CCDC88C: variants seen among roughly 807,000 people sequenced by gnomAD.
CCDC88C encodes the protein protein Daple.
A neutral mutation model predicts 198.8 loss-of-function variants in CCDC88C; 131 were observed. That is an observed-to-expected ratio of 0.66 (90% CI 0.57 to 0.76). The LOEUF (loss-of-function observed/expected upper bound fraction) is 0.76. CCDC88C is among the 30% of genes least tolerant of loss of function. The pLI is 0.00. For missense variants in CCDC88C, 2,553 were observed against 2,631.6 expected (o/e 0.97, Z 0.65); for synonymous variants, 1,166 against 1,114.7 (o/e 1.05, Z -0.92).
chr14:91,372,466 G>A (rs986418194), intron 3 of CCDC88C, among the ~76,000 whole-genome samples: 3 of 144,268 alleles, frequency 2.1e-5, no homozygotes, highest in Admixed American at 7.1e-5. Context: ...AGAAGGAGGT[G>A]GCCGGAAGCT....
chr14:91,373,293 C>T (rs902411725), intron 3 of CCDC88C, among the ~76,000 whole-genome samples: 11 of 152,126 alleles, frequency 7.2e-5, no homozygotes, highest in South Asian at 2.1e-4. Context: ...CTGGCTTGGA[C>T]GCTATGCTGA....
intron 3 of CCDC88C, among the ~76,000 whole-genome samples, chr14:91,398,024 CT>C (rs1885954747): frequency 6.6e-6 from 1 of 152,194 alleles, no homozygotes; most frequent in East Asian, 1.9e-4. Context: ...ACAGTAATTT[CT>C]TCTTTATAAT....
intron 18 of CCDC88C, 48 bp from the exon 19 acceptor site, chr14:91,305,974 G>C (rs529816382): frequency 1.0e-5 from 16 of 1,586,156 alleles, no homozygotes; most frequent in Non-Finnish European, 1.4e-5. Context: ...CTGGGTAAAT[G>C]CTAACTGGCC....
chr14:91,336,715 A>G (rs918304626), intron 10 of CCDC88C, among the ~76,000 whole-genome samples: 22 of 152,314 alleles, frequency 1.4e-4, no homozygotes, highest in Admixed American at 1.2e-3. Context: ...AGCAGGAGGT[A>G]AGGAGCCTTA....
intron 2 of CCDC88C, among the ~76,000 whole-genome samples, chr14:91,411,375 T>A (rs565870626): frequency 1.3e-5 from 2 of 152,204 alleles, no homozygotes; most frequent in Non-Finnish European, 2.9e-5. Context: ...AAAGTCTATA[T>A]GGTTCCATGA....
Position 91,278,127 on chromosome 14 carries a change from C to G in CCDC88C, c.4853G>C (p.Arg1618Pro). The G allele has an allele frequency of 6.2e-7, 1 of 1,613,276 alleles. No individual in the cohort carries two copies. The change falls in exon 29 of 30, where the codon CGG becomes CCG. Residue 1618 changes from arginine to proline, a missense_variant. This residue lies in a region of CCDC88C where 1,293 missense variants were observed against 1,219.6 expected (regional missense o/e 1.06). Coordinates refer to ENST00000389857, the MANE Select transcript of CCDC88C (RefSeq NM_001080414.4). Reference sequence around the variant, plus strand: ...GTTGCGTCCCGGTGTGCTGGCTTCCCGGGGCAAAGTGGCCAGGTCCCTGCT... The same window carrying G: ...GTTGCGTCCCGGTGTGCTGGCTTCCGGGGGCAAAGTGGCCAGGTCCCTGCT... The part of the protein sequence containing the change: ...IPSRDLATLP[R>P]EASTPGRNAL...
chr14:91,286,227 A>G (rs888043339), intron 25 of CCDC88C, among the ~76,000 whole-genome samples: 1 of 152,158 alleles, frequency 6.6e-6, no homozygotes, highest in African/African-American at 2.4e-5. Flanking sequence ...GGGGTCCCTA[A>G]CAGCTCAGCT....
chr14:91,417,210 C>A lies in CCDC88C; in HGVS notation c.61-372G>T, dbSNP rs781272609. Reference sequence around the variant, plus strand: ...GGCGCCCCCCATTCCCCACCCGTCACCGCCATCCACCGGCTGGTCTCAGGG... The same window carrying A: ...GGCGCCCCCCATTCCCCACCCGTCAACGCCATCCACCGGCTGGTCTCAGGG... On this transcript the variant is annotated intron_variant, in intron 1 of 29. Transcript: ENST00000389857. 2.4e-5 allele frequency: 17 copies of A among 703,078 alleles called. 1 individual carries two copies. The South Asian group carries it at 2.5e-4, about 10-fold the overall frequency. 43.6% of individuals were successfully genotyped at this position (703,078 alleles called of 1,614,324 possible). A position where few individuals can be genotyped will look rare whatever the true frequency, so the allele number is the denominator to read the frequency against.
rs1355962010 is a variant in CCDC88C, at chr14:91,294,245, T to C, written c.4040A>G (p.Gln1347Arg). ...HLLSQIQLLS[Q>R]QNQMLLEQNM... ...CTGCTCCAGAAGCATCTGGTTCTGC[T>C]GGCTCAACAGCTGGATCTGGCTCAG... The change falls in exon 23 of 30, where the codon CAG becomes CGG. Residue 1347 changes from glutamine (Q) to arginine (R), a missense_variant. By Grantham distance (43) the Gln-to-Arg change is conservative. Around this residue, in one of 2 missense-constraint regions of CCDC88C, gnomAD observed 1,293 missense variants for 1,219.6 expected, o/e 1.06. Coordinates refer to ENST00000389857, the MANE Select transcript of CCDC88C (RefSeq NM_001080414.4). 1 of 1,613,954 alleles carries C rather than the reference T, an allele frequency of 6.2e-7. No individual in the cohort carries two copies. Among genetic ancestry groups the C allele is most frequent in the Non-Finnish European group, 8.5e-7 (1 of 1,179,906 alleles).
intron 14 of CCDC88C, among the ~76,000 whole-genome samples, chr14:91,315,247 G>A (rs775901070): frequency 1.4e-4 from 21 of 152,192 alleles, no homozygotes; most frequent in South Asian, 4.2e-4. Context: ...TGGACTGCCC[G>A]CCGTGTGAGG....
intron 19 of CCDC88C, among the ~76,000 whole-genome samples, chr14:91,304,420 A>G (rs988518561): frequency 1.3e-5 from 2 of 151,192 alleles, no homozygotes; most frequent in African/African-American, 4.9e-5. Context: ...CCATCTCTAC[A>G]AAAAAAAAGT....
At chr14:91,407,791 T>C (rs1385803615) in intron 3 of CCDC88C, among the ~76,000 whole-genome samples, 1 of 152,072 alleles carries the variant, frequency 6.6e-6, no homozygotes, top group Non-Finnish European at 1.5e-5. Context: ...GGTTTAGTTT[T>C]GTTTGTTTTT....
At chr14:91,380,947 T>G (rs1335584283) in intron 3 of CCDC88C, among the ~76,000 whole-genome samples, 1 of 152,152 alleles carries the variant, frequency 6.6e-6, no homozygotes, top group East Asian at 1.9e-4. Flanking sequence ...GGCCCACCAA[T>G]CCGGTAAGGG....
chr14:91,337,423 T>C (rs1649773794), intron 10 of CCDC88C, among the ~76,000 whole-genome samples: 1 of 152,256 alleles, frequency 6.6e-6, no homozygotes, highest in South Asian at 2.1e-4. Flanking sequence ...CATTGCAGCC[T>C]TGACATCCCA....
chr14:91,390,694 G>C (rs1227375155), intron 3 of CCDC88C, among the ~76,000 whole-genome samples: 1 of 152,164 alleles, frequency 6.6e-6, no homozygotes, highest in Non-Finnish European at 1.5e-5. Context: ...GCCAGTGGCT[G>C]GTCCCATCCT....
Position 91,278,261 on chromosome 14 carries a change from T to C in CCDC88C, c.4769-50A>G, listed in dbSNP as rs1425330707. The C allele has an allele frequency of 2.6e-6, 4 of 1,522,598 alleles. No homozygotes were observed. In the South Asian group the frequency reaches 3.9e-5, roughly 15 times the overall value. 94.3% of individuals were successfully genotyped at this position (1,522,598 alleles called of 1,614,324 possible). ...GGACCCTCATCAGTCTTGGCAGCCC[T>C]CTGGTGGCTTCTAGAGGCTTCGTGC... is the stretch of plus-strand genomic sequence containing the variant. On this transcript the variant is annotated intron_variant, in intron 28 of 29. Coordinates refer to ENST00000389857, the MANE Select transcript of CCDC88C (RefSeq NM_001080414.4).
rs577993735 is a variant in CCDC88C at position 91,369,051 on chromosome 14, T to A, written c.271-9340A>T. 1.4e-4 allele frequency among the ~76,000 whole-genome samples: 21 copies of A among 152,338 alleles called. 3 individuals carry two copies. In the South Asian group the frequency reaches 4.3e-3, roughly 32 times the overall value. ...GTGGGAGGGAACAGCCGCAGCACAA[T>A]GTCGCTGATCGTTTGCCAGCAGGGC... is the stretch of plus-strand genomic sequence containing the variant. On this transcript the variant is annotated intron_variant, in intron 3 of 29. Coordinates refer to ENST00000389857, the MANE Select transcript of CCDC88C (RefSeq NM_001080414.4).
chr14:91,306,574 C>T (rs1891563635), intron 18 of CCDC88C, among the ~76,000 whole-genome samples: 1 of 152,224 alleles, frequency 6.6e-6, no homozygotes, highest in Non-Finnish European at 1.5e-5. Flanking sequence ...GAGGCACGGA[C>T]ATGCATTAGC....
chr14:91,381,554 C>T lies in CCDC88C; in HGVS notation c.271-21843G>A, dbSNP rs10151453. Reference sequence around the variant, plus strand: ...TTCCATTCAAGCCGGGCCTTTTGGCCGGGTGCGGTGGCTCATGCCTGTAAT... The same window carrying T: ...TTCCATTCAAGCCGGGCCTTTTGGCTGGGTGCGGTGGCTCATGCCTGTAAT... On this transcript the variant is annotated intron_variant, in intron 3 of 29. Transcript: ENST00000389857. This position sits in a 1 kb window ranked among gnomAD's most constrained non-coding sequence, Gnocchi z 4.2. Among the ~76,000 whole-genome samples the T allele has an allele frequency of 0.036, 5,521 of 152,276 alleles. 224 individuals are homozygous for T. The highest frequency in any genetic ancestry group is 0.093 in the African/African-American group (3,883 of 41,538).
Sources: gnomAD v4.1 joint callset for allele counts (sites outside exome capture counted in the v4.1 genomes callset) on GRCh38, gnomAD v4.1.1 for gene constraint, gnomAD v4.1.1 regional missense constraint, Gnocchi (gnomAD v3.1) non-coding constraint, MANE v1.5 for transcripts, NCBI Gene and HGNC (gene_info 2026-07-23, HGNC 2026-07-21) for gene names.